The following VCP variants were observed in gnomAD, a reference collection of about 807,000 sequenced individuals.
The protein encoded by VCP is transitional endoplasmic reticulum ATPase.
Under a neutral mutation model 85.7 loss-of-function variants are expected in VCP, and 6 were observed. The observed-to-expected ratio is 0.07, with a 90% CI of 0.04 to 0.14. The LOEUF is 0.14. VCP is among the 10% of genes least tolerant of loss of function. The probability of loss-of-function intolerance (pLI) is 1.00; values close to 1 mark genes in which losing one functional copy is unlikely to be tolerated. For missense variants in VCP, 353 were observed against 1,043.4 expected, an observed-to-expected ratio of 0.34 and a Z score of 9.12; for synonymous variants, 384 against 367.1, an observed-to-expected ratio of 1.05 and a Z score of -0.53.
In VCP at chr9:35,064,130, G is replaced by T. The variant is rs773849967; in HGVS notation, c.708+24C>A. 1.3e-5 allele frequency: 21 copies of T among 1,613,866 alleles called. No homozygotes were observed. The South Asian group carries it at 2.2e-4, about 17-fold the overall frequency. The stretch of plus-strand genomic sequence containing the variant: ...TAGACATTGGCACCACTTTAGACTT[G>T]ATTCCAGAGCCCAGGATGCTCACCT... On this transcript the variant is annotated intron_variant, in intron 6 of 16. Transcript: ENST00000358901.
At position 35,060,890 on chromosome 9, in the gene VCP, G is replaced by A; in HGVS notation, c.1393C>T (p.Arg465Trp). ...TGTGGCACCTCTACCACGGTTTCCC[G>A]CAGTGCTGATGGGTTACTCTGGCTC... ...ALSQSNPSAL[R>W]ETVVEVPQVT... The change falls in exon 12 of 17, where the codon CGG becomes TGG. Residue 465 changes from arginine to tryptophan, a missense_variant. Arg to Trp is a moderately radical substitution (Grantham distance 101). Around this residue, in one of 8 missense-constraint regions of VCP, gnomAD observed 18 missense variants for 71.2 expected, o/e 0.25. Transcript: ENST00000358901. 1 of 1,614,140 alleles carries A rather than the reference G, an allele frequency of 6.2e-7. No individual in the cohort carries two copies. Among genetic ancestry groups the A allele is most frequent in the Non-Finnish European group, 8.5e-7 (1 of 1,180,036 alleles).
intron 6 of VCP, 61 bp from the exon 7 acceptor site, chr9:35,063,141 G>A: frequency 6.8e-7 from 1 of 1,479,578 alleles, no homozygotes; most frequent in Non-Finnish European, 9.4e-7. Flanking sequence ...AAAATGGCTT[G>A]ACTAGCGCTC....
chr9:35,072,467 G>A lies in VCP; in HGVS notation c.-114C>T, dbSNP rs964054151. 2 of 1,312,310 alleles carry A rather than the reference G, an allele frequency of 1.5e-6. No individual in the cohort carries two copies. The highest frequency in any genetic ancestry group is 9.8e-7 in the Non-Finnish European group (1 of 1,016,956). The allele number at this position is 1,312,310 out of a possible 1,614,324, so 81.3% of individuals were successfully genotyped here. Reference sequence around the variant, plus strand: ...CTCTTCCAGGCGGTGGGCGAGCAGCGGCGACAAACCCGCAAGCGGCTTCCC... The same window carrying A: ...CTCTTCCAGGCGGTGGGCGAGCAGCAGCGACAAACCCGCAAGCGGCTTCCC... On this transcript the variant is annotated 5_prime_UTR_variant, in exon 1 of 17. Transcript: ENST00000358901.
chr9:35,063,891 T>C (rs1023768901), intron 6 of VCP, among the ~76,000 whole-genome samples: 5 of 152,092 alleles, frequency 3.3e-5, no homozygotes, highest in African/African-American at 1.2e-4. Flanking sequence ...ATTCTAAGAG[T>C]TGTAAAGAAA....
rs1346289873 is a variant in VCP, at chr9:35,059,095, T to C, written c.2129A>G (p.Glu710Gly). The C allele has an allele frequency of 1.2e-6, 2 of 1,614,144 alleles. No homozygotes were observed. Among genetic ancestry groups the C allele is most frequent in the Non-Finnish European group, 1.7e-6 (2 of 1,180,040 alleles). ...RESIESEIRR[E>G]RERQTNPSAM... Reference sequence around the variant, plus strand: ...TGATGGGTTTGTCTGCCTCTCTCGTTCTCGCCTAATCTCACTCTCGATGGA... The same window carrying C: ...TGATGGGTTTGTCTGCCTCTCTCGTCCTCGCCTAATCTCACTCTCGATGGA... The change falls in exon 15 of 17, where the codon GAA (glutamate) becomes GGA (glycine). Residue 710 changes from glutamate (E) to glycine (G), a missense_variant. This residue lies in a region of VCP where 93 missense variants were observed against 197.1 expected (regional missense o/e 0.47). Coordinates refer to ENST00000358901, the MANE Select transcript of VCP (RefSeq NM_007126.5). The surrounding 1 kb of genome is among the most constrained non-coding windows in gnomAD (Gnocchi z 4.9).
Position 35,059,247 on chromosome 9 carries a change from C to G in VCP, c.2005-28G>C. On this transcript the variant is annotated intron_variant, in intron 14 of 16. Coordinates refer to ENST00000358901, the MANE Select transcript of VCP (RefSeq NM_007126.5). The surrounding 1 kb of genome is among the most constrained non-coding windows in gnomAD (Gnocchi z 4.9). The stretch of plus-strand genomic sequence containing the variant: ...AAAAGCAGCAGCAGAGGTACCTTAG[C>G]ATTTAGCCTCTCCTCTCGAGATACG... 1 of 1,613,958 alleles carries G rather than the reference C, an allele frequency of 6.2e-7. No homozygotes were observed.
intron 5 of VCP, among the ~76,000 whole-genome samples, chr9:35,064,764 T>C (rs547404983): frequency 4.3e-4 from 65 of 152,364 alleles, no homozygotes; most frequent in African/African-American, 1.5e-3. Flanking sequence ...GTCTAGTTTT[T>C]TGAAATTCCT....
At chr9:35,069,756 CTCTT>C (rs1170451010) in intron 1 of VCP, among the ~76,000 whole-genome samples, 2 of 152,192 alleles carry the variant, frequency 1.3e-5, no homozygotes, top group South Asian at 2.1e-4. Flanking sequence ...CCAGCGCTCT[CTCTT>C]TTTTAAGAGC....
At chr9:35,070,821 T>C (rs1253297440) in intron 1 of VCP, among the ~76,000 whole-genome samples, 3 of 152,176 alleles carry the variant, frequency 2.0e-5, no homozygotes, top group African/African-American at 7.2e-5. Flanking sequence ...TGGAGATGAG[T>C]GGTATGCCCT....
intron 1 of VCP, among the ~76,000 whole-genome samples, chr9:35,069,444 C>CTTTT (rs35498216): frequency 7.7e-4 from 74 of 96,092 alleles, no homozygotes; most frequent in African/African-American, 1.7e-3. Context: ...CTCCCTCTCC[C>CTTTT]TTTTTTTTTT....
At chr9:35,058,601 A>G (rs1179965560) in intron 15 of VCP, among the ~76,000 whole-genome samples, 2 of 152,104 alleles carry the variant, frequency 1.3e-5, no homozygotes, top group East Asian at 1.9e-4. Context: ...TTTCTACTAA[A>G]AAAAAAATAC....
intron 15 of VCP, chr9:35,057,896 G>T (rs562369137): frequency 2.8e-6 from 1 of 355,272 alleles, no homozygotes; most frequent in Admixed American, 4.2e-5. Context: ...TAGAAAGAGT[G>T]AATTTTATTG....
intron 1 of VCP, among the ~76,000 whole-genome samples, chr9:35,070,036 G>C (rs1319719093): frequency 6.6e-6 from 1 of 152,150 alleles, no homozygotes; most frequent in Non-Finnish European, 1.5e-5. Context: ...AAGCCATGGG[G>C]TTCTTACATC....
chr9:35,061,309 T>A, intron 10 of VCP, 130 bp from the exon 11 acceptor site: 1 of 1,274,066 alleles, frequency 7.8e-7, no homozygotes, highest in Non-Finnish European at 1.1e-6. Context: ...ATACTATCAA[T>A]ACCTTTATGG....
Position 35,057,102 on chromosome 9 carries a change from G to A in VCP, c.*15C>T, listed in dbSNP as rs762559031. On this transcript the variant is annotated 3_prime_UTR_variant, in exon 17 of 17. Transcript: ENST00000358901. ...GTCCAGGCAGGCCAGCTCACTGCAC[G>A]CTGGCCACCACCACTTAGCCATACA... The A allele has an allele frequency of 1.2e-4, 192 of 1,613,200 alleles. 1 individual carries two copies. The East Asian group carries it at 2.9e-3, about 25-fold the overall frequency.
At chr9:35,062,907 T>C in intron 7 of VCP, 71 bp downstream of exon 7, 1 of 1,454,890 alleles carries the variant, frequency 6.9e-7, no homozygotes, top group Non-Finnish European at 9.7e-7. Context: ...GATGTGTTCA[T>C]AAGTGCTCCA....
chr9:35,066,537 C>CTTT (rs1828835566), intron 4 of VCP, 138 bp downstream of exon 4: 1 of 1,317,716 alleles, frequency 7.6e-7, no homozygotes, highest in Non-Finnish European at 1.0e-6. Context: ...GACCCCATCT[C>CTTT]TTAAAAAATG....
At chr9:35,070,044 A>C (rs1390481087) in intron 1 of VCP, among the ~76,000 whole-genome samples, 1 of 152,214 alleles carries the variant, frequency 6.6e-6, no homozygotes, top group Non-Finnish European at 1.5e-5. Context: ...GGGTTCTTAC[A>C]TCTTTGGGTC....
chr9:35,059,516 G>C lies in VCP; in HGVS notation c.1981C>G (p.Leu661Val). ...KSRVAILKAN[L>V]RKSPVAKDVD... is the part of the protein sequence containing the mutation. ...GCCTTGGCAACTGGGGACTTGCGCA[G>C]GTTAGCCTTGAGGATGGCAACACGG... The change falls in exon 14 of 17, where the codon CTG becomes GTG. Residue 661 changes from leucine to valine, a missense_variant. Coordinates refer to ENST00000358901, the MANE Select transcript of VCP (RefSeq NM_007126.5). This position sits in a 1 kb window ranked among gnomAD's most constrained non-coding sequence, Gnocchi z 4.9. The C allele has an allele frequency of 6.2e-7, 1 of 1,614,108 alleles. No individual in the cohort carries two copies. Among genetic ancestry groups the C allele is most frequent in the Non-Finnish European group, 8.5e-7 (1 of 1,180,040 alleles).
Sources: allele counts gnomAD v4.1 joint callset (sites outside exome capture counted in the v4.1 genomes callset), GRCh38; gene constraint gnomAD v4.1.1; regional missense constraint gnomAD v4.1.1; non-coding constraint Gnocchi (gnomAD v3.1); transcripts MANE v1.5; gene names NCBI Gene and HGNC (gene_info 2026-07-23, HGNC 2026-07-21).